The following SYNDIG1 variants were observed in gnomAD, a reference collection of about 807,000 sequenced individuals.
The protein encoded by SYNDIG1 is synapse differentiation-inducing gene protein 1.
Under a neutral mutation model 19.4 loss-of-function variants are expected in SYNDIG1, and 9 were observed. The observed-to-expected ratio is 0.46, with a 90% CI of 0.28 to 0.81. SYNDIG1 has a LOEUF of 0.81. Ranked by LOEUF, SYNDIG1 falls within the 30% of genes least tolerant of loss-of-function variation. SYNDIG1 has a pLI of 0.12. For synonymous variants in SYNDIG1, 141 were observed against 145.9 expected, an observed-to-expected ratio of 0.97 and a Z score of 0.24; for missense variants, 311 against 343.3, an observed-to-expected ratio of 0.91 and a Z score of 0.74.
intron 3 of SYNDIG1, among the ~76,000 whole-genome samples, chr20:24,637,956 G>T (rs1157009923): frequency 6.6e-6 from 1 of 152,244 alleles, no homozygotes; most frequent in Non-Finnish European, 1.5e-5. Context: ...GACCTGGAGG[G>T]GTTAAATGCC....
In SYNDIG1 at chr20:24,493,686, T is replaced by G. The variant is rs537975459; in HGVS notation, c.-79+23933T>G. ...TAGCACCTAGAAGATGCTCAAATGC[T>G]CAGTGGAGTTGGTGAGCAGTGGAGG... On this transcript the variant is annotated intron_variant, in intron 1 of 3. Coordinates refer to ENST00000376862, the MANE Select transcript of SYNDIG1 (RefSeq NM_024893.3). 2.6e-5 allele frequency among the ~76,000 whole-genome samples: 4 copies of G among 152,328 alleles called. No individual in the cohort carries two copies. The East Asian group carries it at 7.7e-4, about 29-fold the overall frequency.
intron 3 of SYNDIG1, among the ~76,000 whole-genome samples, chr20:24,618,632 G>T (rs2058986997): frequency 6.6e-6 from 1 of 152,184 alleles, no homozygotes. Flanking sequence ...TTTGAAGCTG[G>T]AAGAAGAGGT....
intron 1 of SYNDIG1, among the ~76,000 whole-genome samples, chr20:24,490,059 CA>C (rs1218415793): frequency 6.6e-6 from 1 of 152,204 alleles, no homozygotes; most frequent in Non-Finnish European, 1.5e-5. Flanking sequence ...CAGCCAGGGA[CA>C]GGGGCCAGAG....
intron 3 of SYNDIG1, among the ~76,000 whole-genome samples, chr20:24,625,556 A>G (rs200845453): frequency 1.3e-5 from 2 of 151,172 alleles, no homozygotes; most frequent in Non-Finnish European, 1.5e-5. Context: ...TTAGGGAGTG[A>G]TGATGACTCT....
chr20:24,626,945 G>A (rs952096787), intron 3 of SYNDIG1, among the ~76,000 whole-genome samples: 6 of 152,320 alleles, frequency 3.9e-5, no homozygotes, highest in South Asian at 2.1e-4. Flanking sequence ...GCGTGGCGGC[G>A]CGCGCCTGCA....
At chr20:24,507,794 G>A (rs920185148) in intron 1 of SYNDIG1, among the ~76,000 whole-genome samples, 5 of 152,236 alleles carry the variant, frequency 3.3e-5, no homozygotes, top group African/African-American at 1.2e-4. Context: ...GCGGCCATCT[G>A]TTTCCTCCTG....
chr20:24,470,379 G>A (rs987359134), intron 1 of SYNDIG1, among the ~76,000 whole-genome samples: 9 of 152,232 alleles, frequency 5.9e-5, no homozygotes, highest in Non-Finnish European at 1.3e-4. Flanking sequence ...CGGAAGCAGA[G>A]ACTCCTGGAG....
intron 1 of SYNDIG1, among the ~76,000 whole-genome samples, chr20:24,471,151 C>A (rs1386610675): frequency 1.3e-5 from 2 of 152,048 alleles, no homozygotes; most frequent in African/African-American, 4.8e-5. Flanking sequence ...GGGTGAGCAG[C>A]CTCATAGCCC....
At position 24,629,008 on chromosome 20, in the gene SYNDIG1, G is replaced by GGC. The variant is rs1402036519; in HGVS notation, c.619-36338_619-36337insGC. ...AGGGCATAGTGATCCTCATGAGAAA[G>GGC]ACAGCCACAGCTACTCTGTATCTGT... is the stretch of plus-strand genomic sequence containing the variant. On this transcript the variant is annotated intron_variant, in intron 3 of 3. Coordinates refer to ENST00000376862, the MANE Select transcript of SYNDIG1 (RefSeq NM_024893.3). Among the ~76,000 whole-genome samples, 63 of 152,358 alleles carry GGC rather than the reference G, an allele frequency of 4.1e-4. 1 individual carries two copies. Among genetic ancestry groups the GGC allele is most frequent in the African/African-American group, 1.5e-3 (62 of 41,584 alleles).
intron 3 of SYNDIG1, among the ~76,000 whole-genome samples, chr20:24,656,674 G>T (rs182078423): frequency 1.3e-5 from 2 of 152,294 alleles, no homozygotes; most frequent in Admixed American, 1.3e-4. Context: ...CCTCCTCAGG[G>T]GCTCCCATCT....
At chr20:24,534,243 A>G (rs1240827862) in intron 1 of SYNDIG1, among the ~76,000 whole-genome samples, 1 of 152,188 alleles carries the variant, frequency 6.6e-6, no homozygotes, top group East Asian at 1.9e-4. Flanking sequence ...TGACTTTGTC[A>G]TCATCCCTTT....
At chr20:24,494,194 A>C (rs1301277176) in intron 1 of SYNDIG1, among the ~76,000 whole-genome samples, 1 of 152,214 alleles carries the variant, frequency 6.6e-6, no homozygotes, top group African/African-American at 2.4e-5. Context: ...CACTGAGTGC[A>C]GATTGAGAAG....
chr20:24,603,145 A>G (rs6114796), intron 3 of SYNDIG1, among the ~76,000 whole-genome samples: 1,940 of 152,238 alleles, frequency 0.013, 38 homozygotes, highest in African/African-American at 0.043. Context: ...TTGTGTTTGT[A>G]TCTGATGCAA....
chr20:24,639,304 T>C (rs2059348662), intron 3 of SYNDIG1, among the ~76,000 whole-genome samples: 1 of 152,160 alleles, frequency 6.6e-6, no homozygotes, highest in Non-Finnish European at 1.5e-5. Flanking sequence ...GCTCCAGTGC[T>C]ACTGGGGGCT....
At chr20:24,616,060 G>T (rs1050973796) in intron 3 of SYNDIG1, among the ~76,000 whole-genome samples, 1 of 152,172 alleles carries the variant, frequency 6.6e-6, no homozygotes, top group East Asian at 1.9e-4. Context: ...AACAGCTGTT[G>T]ATGGTATTTT....
At chr20:24,570,560 C>T (rs2058125177) in intron 2 of SYNDIG1, among the ~76,000 whole-genome samples, 1 of 152,196 alleles carries the variant, frequency 6.6e-6, no homozygotes, top group East Asian at 1.9e-4. Context: ...AGATATTTGA[C>T]ATCATTAGCC....
chr20:24,631,282 T>C (rs1401676964), intron 3 of SYNDIG1, among the ~76,000 whole-genome samples: 3 of 152,172 alleles, frequency 2.0e-5, no homozygotes, highest in Admixed American at 2.0e-4. Flanking sequence ...TTCCCTGCTG[T>C]AGAAGTGGAA....
At position 24,613,432 on chromosome 20, in the gene SYNDIG1, A is replaced by G. The variant is rs184983072; in HGVS notation, c.618+28439A>G. 1.1e-3 allele frequency among the ~76,000 whole-genome samples: 161 copies of G among 152,222 alleles called. 1 individual carries two copies. The highest frequency in any genetic ancestry group is 0.01 in the South Asian group (50 of 4,814). The stretch of plus-strand genomic sequence containing the variant: ...GTGCAGTCTCCTTGCTGGCCTCACA[A>G]TCAGCTTTCCATGACACAGACCTGC... On this transcript the variant is annotated intron_variant, in intron 3 of 3. Coordinates refer to ENST00000376862, the MANE Select transcript of SYNDIG1 (RefSeq NM_024893.3).
chr20:24,544,301 G>A (rs76837880), intron 2 of SYNDIG1, among the ~76,000 whole-genome samples: 6,972 of 152,270 alleles, frequency 0.046, 258 homozygotes, highest in African/African-American at 0.1. Context: ...TGGACTAGCG[G>A]TTTGCTGCCC....
Sources: gnomAD v4.1 joint callset for allele counts (sites outside exome capture counted in the v4.1 genomes callset) on GRCh38, gnomAD v4.1.1 for gene constraint, MANE v1.5 for transcripts, NCBI Gene and HGNC (gene_info 2026-07-23, HGNC 2026-07-21) for gene names.